The following NEGR1 variants were observed in gnomAD, a reference collection of about 807,000 sequenced individuals.
NEGR1 encodes the protein IgLON family member 4.
In NEGR1, 10 loss-of-function variants were observed where a neutral mutation model predicts 40.9. That is an observed-to-expected ratio of 0.24 (90% CI 0.15 to 0.42). The LOEUF (loss-of-function observed/expected upper bound fraction) is 0.42. NEGR1 is among the 10% of genes least tolerant of loss of function. The pLI, the probability that NEGR1 is intolerant of heterozygous loss-of-function variation, is 1.00. For missense variants in NEGR1, 352 were observed against 438.9 expected (o/e 0.80, Z 1.77); for synonymous variants, 185 against 166.8 (o/e 1.11, Z -0.84).
intron 1 of NEGR1, among the ~76,000 whole-genome samples, chr1:72,183,362 TC>T (rs1182663952): frequency 3.3e-5 from 5 of 152,064 alleles, no homozygotes; most frequent in African/African-American, 9.7e-5. Context: ...CTCAAGAACT[TC>T]CTATCAGCCA....
chr1:71,507,250 C>T (rs1324033373), intron 6 of NEGR1, among the ~76,000 whole-genome samples: 1 of 152,140 alleles, frequency 6.6e-6, no homozygotes, highest in Non-Finnish European at 1.5e-5. Context: ...TCCCAGACAT[C>T]CCTAAAGTAG....
intron 2 of NEGR1, among the ~76,000 whole-genome samples, chr1:71,860,740 T>C (rs933144483): frequency 2.0e-5 from 3 of 152,036 alleles, no homozygotes; most frequent in Admixed American, 2.0e-4. Context: ...AGTTAAAAAG[T>C]CTTTGGAGAT....
At chr1:71,924,920 G>A (rs554533940) in intron 2 of NEGR1, among the ~76,000 whole-genome samples, 18 of 151,304 alleles carry the variant, frequency 1.2e-4, no homozygotes, top group African/African-American at 3.4e-4. Context: ...CAGCATTCAC[G>A]GTCTTATGTG....
intron 2 of NEGR1, among the ~76,000 whole-genome samples, chr1:71,878,076 T>G (rs1428242773): frequency 6.6e-6 from 1 of 152,160 alleles, no homozygotes; most frequent in Non-Finnish European, 1.5e-5. Context: ...CATTGGAAAA[T>G]GCCGACTCTT....
intron 1 of NEGR1, among the ~76,000 whole-genome samples, chr1:72,145,830 AT>A (rs962689216): frequency 6.6e-6 from 1 of 151,896 alleles, no homozygotes; most frequent in Non-Finnish European, 1.5e-5. Context: ...TTCTTAAAAT[AT>A]TTTTTTCTTG....
chr1:71,468,913 G>A (rs1457342255), intron 6 of NEGR1: 1 of 151,970 alleles, frequency 6.6e-6, no homozygotes, highest in Non-Finnish European at 1.5e-5. Flanking sequence ...AAATATTCAA[G>A]AAACTGAATA....
chr1:72,242,420 C>A (rs1436502870), intron 1 of NEGR1, among the ~76,000 whole-genome samples: 1 of 151,466 alleles, frequency 6.6e-6, no homozygotes, highest in East Asian at 1.9e-4. Flanking sequence ...ATGGCAGAGA[C>A]CATATCTACC....
chr1:72,092,506 C>T (rs1648538164), intron 1 of NEGR1, among the ~76,000 whole-genome samples: 1 of 152,046 alleles, frequency 6.6e-6, no homozygotes, highest in Admixed American at 6.5e-5. Flanking sequence ...GTGATTTTCA[C>T]TTATCTAGCA....
intron 4 of NEGR1, among the ~76,000 whole-genome samples, chr1:71,666,581 A>G (rs1385790013): frequency 6.6e-6 from 1 of 152,168 alleles, no homozygotes; most frequent in African/African-American, 2.4e-5. Context: ...TACCATGTCC[A>G]TCGCTAAATA....
rs1425730887 is a variant in NEGR1 at position 71,639,356 on chromosome 1, G to A, written c.668-28210C>T. 3.9e-5 allele frequency among the ~76,000 whole-genome samples: 6 copies of A among 151,988 alleles called. No homozygotes were observed. In the East Asian group the frequency reaches 1.2e-3, roughly 29 times the overall value. ...CTGAGCAGTTTTACAGTTCTTCAAT[G>A]TGCAGCTACAAAGAGCTGGCTCAAC... is the stretch of plus-strand genomic sequence containing the variant. On this transcript the variant is annotated intron_variant, in intron 4 of 6. Transcript: ENST00000357731.
intron 6 of NEGR1, among the ~76,000 whole-genome samples, chr1:71,461,007 A>G (rs1646710861): frequency 6.6e-6 from 1 of 152,008 alleles, no homozygotes; most frequent in African/African-American, 2.4e-5. Context: ...AAAATAAAAT[A>G]TATCTGTCTT....
chr1:71,428,722 T>G (rs1646445755), intron 6 of NEGR1, among the ~76,000 whole-genome samples: 1 of 151,202 alleles, frequency 6.6e-6, no homozygotes, highest in Non-Finnish European at 1.5e-5. Flanking sequence ...CAGCCTATAT[T>G]ATTTTCTCCA....
chr1:72,078,098 T>C (rs1296970931), intron 1 of NEGR1, among the ~76,000 whole-genome samples: 2 of 152,186 alleles, frequency 1.3e-5, no homozygotes, highest in African/African-American at 4.8e-5. Context: ...GATATTGTTG[T>C]CCATTAGTCA....
At chr1:71,912,464 C>T (rs530365646) in intron 2 of NEGR1, among the ~76,000 whole-genome samples, 1 of 152,258 alleles carries the variant, frequency 6.6e-6, no homozygotes, top group East Asian at 1.9e-4. Context: ...AACCTTAAAT[C>T]CCTTCACCAC....
intron 6 of NEGR1, among the ~76,000 whole-genome samples, chr1:71,423,830 C>CT (rs34929033): frequency 1.2e-3 from 164 of 141,354 alleles, no homozygotes; most frequent in South Asian, 6.8e-3. Flanking sequence ...CCCACCCCCC[C>CT]TTTTTTTTTT....
At chr1:71,647,170 A>C (rs1651559011) in intron 4 of NEGR1, among the ~76,000 whole-genome samples, 1 of 151,650 alleles carries the variant, frequency 6.6e-6, no homozygotes, top group Admixed American at 6.6e-5. Context: ...TTTTTTCATA[A>C]CCTTTATTCA....
chr1:72,143,936 T>C (rs1650804894), intron 1 of NEGR1, among the ~76,000 whole-genome samples: 1 of 141,282 alleles, frequency 7.1e-6, no homozygotes, highest in Non-Finnish European at 1.5e-5. Flanking sequence ...TATATATATA[T>C]ATATTCATCC....
rs568133000 is a variant in NEGR1 at position 72,124,524 on chromosome 1, G to A, written c.176+157795C>T. ...AATAAGGAAAGGTTCCCGGGACCCC[G>A]TAATTTTAGGCATATATTACTGGAA... On this transcript the variant is annotated intron_variant, in intron 1 of 6. Transcript: ENST00000357731. Among the ~76,000 whole-genome samples, 11 of 152,116 alleles carry A rather than the reference G, an allele frequency of 7.2e-5. No individual in the cohort carries two copies. The East Asian group carries it at 1.2e-3, about 16-fold the overall frequency.
intron 1 of NEGR1, among the ~76,000 whole-genome samples, chr1:72,111,069 T>TAC (rs1267484618): frequency 1.8e-5 from 2 of 109,794 alleles, no homozygotes; most frequent in South Asian, 3.4e-4. Flanking sequence ...GATATATACA[T>TAC]ACACATATAT....
Sources: allele counts gnomAD v4.1 joint callset (sites outside exome capture counted in the v4.1 genomes callset), GRCh38; gene constraint gnomAD v4.1.1; transcripts MANE v1.5; gene names NCBI Gene and HGNC (gene_info 2026-07-23, HGNC 2026-07-21).